Variants in GALNT1 observed in about 807,000 individuals in gnomAD.
The protein encoded by GALNT1 is GalNAc transferase 1.
A neutral mutation model predicts 65.7 loss-of-function variants in GALNT1; 17 were observed. The observed-to-expected ratio is 0.26, with a 90% CI of 0.18 to 0.39. The LOEUF (loss-of-function observed/expected upper bound fraction) is 0.39. GALNT1 is among the 10% of genes least tolerant of loss of function. The probability of loss-of-function intolerance (pLI) is 1.00; values close to 1 mark genes in which losing one functional copy is unlikely to be tolerated. For missense variants in GALNT1, 460 were observed against 672.8 expected (o/e 0.68, Z 3.50); for synonymous variants, 210 against 219.7 (o/e 0.96, Z 0.39).
intron 5 of GALNT1, among the ~76,000 whole-genome samples, chr18:35,686,735 C>CA (rs1180700342): frequency 2.7e-5 from 4 of 150,170 alleles, no homozygotes; most frequent in Admixed American, 6.6e-5. Flanking sequence ...ATATAAAAAA[C>CA]AAAAAAAAAA....
chr18:35,640,994 A>G (rs776947535), intron 1 of GALNT1, among the ~76,000 whole-genome samples: 1 of 152,212 alleles, frequency 6.6e-6, no homozygotes, highest in Non-Finnish European at 1.5e-5. Context: ...AAAAGATGCT[A>G]CTTTTTTTGT....
At chr18:35,662,152 C>T (rs1387063911) in intron 2 of GALNT1, among the ~76,000 whole-genome samples, 1 of 151,110 alleles carries the variant, frequency 6.6e-6, no homozygotes, top group East Asian at 1.9e-4. Flanking sequence ...TGGAGTATTA[C>T]ACTTCTGTAC....
chr18:35,682,130 A>G (rs1186134233), intron 4 of GALNT1, among the ~76,000 whole-genome samples: 1 of 152,194 alleles, frequency 6.6e-6, no homozygotes, highest in Non-Finnish European at 1.5e-5. Flanking sequence ...GACTTGGTTC[A>G]TAAAATCACA....
At chr18:35,630,416 A>G (rs1423785962) in intron 1 of GALNT1, among the ~76,000 whole-genome samples, 3 of 152,200 alleles carry the variant, frequency 2.0e-5, no homozygotes, top group African/African-American at 7.2e-5. Context: ...AAACCACCAA[A>G]CTACATGGAA....
At chr18:35,675,099 C>T (rs915165149) in intron 3 of GALNT1, among the ~76,000 whole-genome samples, 2 of 151,188 alleles carry the variant, frequency 1.3e-5, no homozygotes, top group African/African-American at 4.9e-5. Context: ...CCTTTCTGCT[C>T]ATCCTCAGCT....
At chr18:35,690,502 A>G (rs2047943859) in intron 7 of GALNT1, among the ~76,000 whole-genome samples, 1 of 152,216 alleles carries the variant, frequency 6.6e-6, no homozygotes, top group Non-Finnish European at 1.5e-5. Flanking sequence ...CTTGTTAACA[A>G]GTACAGGTTG....
At chr18:35,682,351 A>T (rs1174366874) in intron 4 of GALNT1, among the ~76,000 whole-genome samples, 1 of 152,128 alleles carries the variant, frequency 6.6e-6, no homozygotes, top group African/African-American at 2.4e-5. Flanking sequence ...CCACCTCACT[A>T]TGTAGGAAGC....
chr18:35,695,519 G>A (rs2048041242), intron 9 of GALNT1, among the ~76,000 whole-genome samples: 1 of 152,168 alleles, frequency 6.6e-6, no homozygotes, highest in Admixed American at 6.5e-5. Flanking sequence ...TAAGATAAGG[G>A]AAAGCAAGTA....
intron 1 of GALNT1, among the ~76,000 whole-genome samples, chr18:35,595,599 A>G (rs180829676): frequency 3.3e-5 from 5 of 152,316 alleles, no homozygotes; most frequent in Admixed American, 3.3e-4. Flanking sequence ...GAATTTAGGG[A>G]TGCTCTTTTC....
intron 1 of GALNT1, among the ~76,000 whole-genome samples, chr18:35,598,991 G>GTTTTT (rs377086201): frequency 8.7e-6 from 1 of 115,052 alleles, no homozygotes. Flanking sequence ...GTATCCAGGC[G>GTTTTT]TTTTTTTTTT....
In GALNT1 at chr18:35,637,753, AGACTTTCATAG is replaced by A. The variant is rs1319071188; in HGVS notation, c.-103-16805_-103-16795del. ...TTCTATTGGAAGAAGATGCCATCTA[AGACTTTCATAG>A]GTAGAGAGAAGTCAGTGCCTGACTT... On this transcript the variant is annotated intron_variant, in intron 1 of 11. Transcript: ENST00000269195. 2.0e-5 allele frequency among the ~76,000 whole-genome samples: 3 copies of A among 152,310 alleles called. No homozygotes were observed. The East Asian group carries it at 5.8e-4, about 29-fold the overall frequency.
At chr18:35,676,001 A>G (rs187087595) in intron 3 of GALNT1, among the ~76,000 whole-genome samples, 95 of 152,306 alleles carry the variant, frequency 6.2e-4, no homozygotes, top group African/African-American at 2.2e-3. Context: ...ACCATTTATA[A>G]CAGAGTTTTG....
At chr18:35,708,038 T>A (rs1288389183) in intron 11 of GALNT1, among the ~76,000 whole-genome samples, 1 of 152,232 alleles carries the variant, frequency 6.6e-6, no homozygotes, top group Non-Finnish European at 1.5e-5. Context: ...TAGGCAGCAC[T>A]TTATGTACAT....
intron 1 of GALNT1, chr18:35,597,328 C>T (rs1033004772): frequency 6.6e-6 from 1 of 152,164 alleles, no homozygotes; most frequent in African/African-American, 2.4e-5. Flanking sequence ...GTTACATTCT[C>T]ACTGGGATTA....
At chr18:35,629,714 C>T (rs2144183723) in intron 1 of GALNT1, among the ~76,000 whole-genome samples, 1 of 152,312 alleles carries the variant, frequency 6.6e-6, no homozygotes, top group South Asian at 2.1e-4. Context: ...TCACACATAA[C>T]AATATTAACC....
Position 35,643,237 on chromosome 18 carries a change from G to C in GALNT1, c.-103-11323G>C, listed in dbSNP as rs578063082. On this transcript the variant is annotated intron_variant, in intron 1 of 11. Transcript: ENST00000269195. ...TTTGTGTGGATATCAGGGCTGTTTT[G>C]ATGTTAACGCTAAGATGTTGCCTAA... 1.2e-3 allele frequency among the ~76,000 whole-genome samples: 185 copies of C among 152,152 alleles called. 4 individuals carry two copies. The South Asian group carries it at 0.03, about 25-fold the overall frequency.
intron 3 of GALNT1, among the ~76,000 whole-genome samples, chr18:35,667,685 T>C (rs1434531569): frequency 6.6e-6 from 1 of 152,220 alleles, no homozygotes; most frequent in Non-Finnish European, 1.5e-5. Flanking sequence ...TACAGTTTAT[T>C]ATTTGAAGAA....
intron 1 of GALNT1, among the ~76,000 whole-genome samples, chr18:35,642,985 T>C (rs945909057): frequency 1.3e-5 from 2 of 151,994 alleles, no homozygotes; most frequent in African/African-American, 4.8e-5. Context: ...AGCGCAGTCC[T>C]AGAGCACAGC....
At chr18:35,635,067 G>A (rs2047071554) in intron 1 of GALNT1, among the ~76,000 whole-genome samples, 1 of 152,154 alleles carries the variant, frequency 6.6e-6, no homozygotes, top group African/African-American at 2.4e-5. Flanking sequence ...TTTCTGGAAG[G>A]ATGCACACAA....
Sources: gnomAD v4.1 joint callset for allele counts (sites outside exome capture counted in the v4.1 genomes callset) on GRCh38, gnomAD v4.1.1 for gene constraint, MANE v1.5 for transcripts, NCBI Gene and HGNC (gene_info 2026-07-23, HGNC 2026-07-21) for gene names.